Variants in FHOD3 observed in about 807,000 individuals in gnomAD.
The protein encoded by FHOD3 is FH1/FH2 domain-containing protein 3.
FHOD3 carries 90 observed loss-of-function variants against 173.0 expected under a neutral mutation model. The observed-to-expected ratio is 0.52, with a 90% CI of 0.44 to 0.62. The LOEUF (loss-of-function observed/expected upper bound fraction) is 0.62. Among genes scored for constraint, FHOD3 ranks in the 20% least tolerant of loss-of-function variants. FHOD3 has a pLI of 0.00. For missense variants in FHOD3, 1,945 were observed against 2,034.7 expected, an observed-to-expected ratio of 0.96 and a Z score of 0.85; for synonymous variants, 828 against 823.0, an observed-to-expected ratio of 1.01 and a Z score of -0.10.
chr18:36,480,243 C>T (rs1599312631), intron 3 of FHOD3, among the ~76,000 whole-genome samples: 1 of 152,222 alleles, frequency 6.6e-6, no homozygotes, highest in East Asian at 1.9e-4. Context: ...CCATCCCACA[C>T]CTTGCCTCGT....
At chr18:36,322,468 G>A (rs370485381) in intron 1 of FHOD3, among the ~76,000 whole-genome samples, 11 of 152,144 alleles carry the variant, frequency 7.2e-5, no homozygotes, top group African/African-American at 2.4e-4. Context: ...GGGTAAGGCA[G>A]GAGCAGGTAC....
intron 5 of FHOD3, among the ~76,000 whole-genome samples, chr18:36,532,788 T>A (rs962657890): frequency 6.6e-6 from 1 of 152,212 alleles, no homozygotes; most frequent in Non-Finnish European, 1.5e-5. Flanking sequence ...GTTTTACCTG[T>A]TTGAGATTTT....
chr18:36,566,822 G>C (rs1005021054), intron 5 of FHOD3, among the ~76,000 whole-genome samples: 1 of 151,930 alleles, frequency 6.6e-6, no homozygotes, highest in Non-Finnish European at 1.5e-5. Flanking sequence ...AAGGGAAGGA[G>C]TCTGGAATAG....
intron 28 of FHOD3, chr18:36,778,542 C>A (rs1223216473): frequency 6.6e-6 from 1 of 152,168 alleles, no homozygotes; most frequent in African/African-American, 2.4e-5. Flanking sequence ...TCACCCTTAT[C>A]CAGCCTTTAT....
chr18:36,585,556 G>A (rs2058999215), intron 6 of FHOD3, among the ~76,000 whole-genome samples: 1 of 151,954 alleles, frequency 6.6e-6, no homozygotes, highest in Non-Finnish European at 1.5e-5. Flanking sequence ...GGCTGAGGGG[G>A]CCCCACTGTC....
chr18:36,339,789 A>G (rs1340723905), intron 1 of FHOD3, among the ~76,000 whole-genome samples: 1 of 152,210 alleles, frequency 6.6e-6, no homozygotes, highest in East Asian at 1.9e-4. Flanking sequence ...GTACAATAGT[A>G]AATAGCTGAT....
chr18:36,522,525 A>T (rs1001373833), intron 5 of FHOD3, among the ~76,000 whole-genome samples: 1 of 152,264 alleles, frequency 6.6e-6, no homozygotes, highest in Non-Finnish European at 1.5e-5. Flanking sequence ...GATAAAATAC[A>T]TGCAAATATG....
At chr18:36,464,212 C>T (rs560146950) in intron 3 of FHOD3, among the ~76,000 whole-genome samples, 1 of 152,104 alleles carries the variant, frequency 6.6e-6, no homozygotes, top group Admixed American at 6.5e-5. Flanking sequence ...ATTGACGTGT[C>T]GAAGAAATGA....
At chr18:36,304,422 A>G (rs1392080934) in intron 1 of FHOD3, among the ~76,000 whole-genome samples, 1 of 152,174 alleles carries the variant, frequency 6.6e-6, no homozygotes, top group African/African-American at 2.4e-5. Context: ...GCATATACTG[A>G]AATATTTTAA....
chr18:36,461,524 C>G (rs1229142417), intron 3 of FHOD3, among the ~76,000 whole-genome samples: 2 of 151,306 alleles, frequency 1.3e-5, no homozygotes, highest in Non-Finnish European at 2.9e-5. Flanking sequence ...AGTGACTTGG[C>G]TCGTGGAATT....
chr18:36,730,538 G>A (rs2041303949), intron 19 of FHOD3, 108 bp from the exon 20 acceptor site: 4 of 1,098,164 alleles, frequency 3.6e-6, no homozygotes, highest in African/African-American at 3.1e-5. Flanking sequence ...GCTGAACTGG[G>A]GCCATTTGTT....
chr18:36,574,162 A>G (rs186063442), intron 5 of FHOD3, among the ~76,000 whole-genome samples: 1 of 152,212 alleles, frequency 6.6e-6, no homozygotes, highest in South Asian at 2.1e-4. Context: ...AATACATGGT[A>G]ACTTTACAAA....
intron 2 of FHOD3, among the ~76,000 whole-genome samples, chr18:36,358,916 G>A (rs2145826031): frequency 6.6e-6 from 1 of 152,264 alleles, no homozygotes; most frequent in Admixed American, 6.5e-5. Flanking sequence ...TTATAGGCAT[G>A]CATAGCTACA....
intron 24 of FHOD3, among the ~76,000 whole-genome samples, chr18:36,754,367 A>C (rs1043166748): frequency 6.6e-6 from 1 of 152,070 alleles, no homozygotes; most frequent in Admixed American, 6.5e-5. Context: ...TCTGTCTCCC[A>C]CTGTGTTCTT....
intron 3 of FHOD3, among the ~76,000 whole-genome samples, chr18:36,406,403 C>T (rs577912674): frequency 1.3e-5 from 2 of 152,174 alleles, no homozygotes; most frequent in East Asian, 1.9e-4. Context: ...TTCCTCTCAG[C>T]GTTTATGGGC....
intron 5 of FHOD3, among the ~76,000 whole-genome samples, chr18:36,541,721 C>A (rs956017339): frequency 1.3e-5 from 2 of 152,128 alleles, no homozygotes; most frequent in Admixed American, 6.5e-5. Context: ...AGTTGAGGTT[C>A]TGGGTCCATG....
intron 3 of FHOD3, among the ~76,000 whole-genome samples, chr18:36,443,875 A>C (rs755050119): frequency 6.6e-5 from 10 of 152,222 alleles, no homozygotes; most frequent in Non-Finnish European, 1.2e-4. Flanking sequence ...CATCAATAAG[A>C]AACTCAGCTT....
At chr18:36,686,315 G>A (rs1253135419) in intron 15 of FHOD3, among the ~76,000 whole-genome samples, 2 of 151,842 alleles carry the variant, frequency 1.3e-5, no homozygotes, top group Admixed American at 6.6e-5. Flanking sequence ...GACATGGATG[G>A]CACTGGAAGC....
intron 14 of FHOD3, among the ~76,000 whole-genome samples, chr18:36,668,832 C>T (rs146331242): frequency 8.0e-4 from 121 of 152,000 alleles, no homozygotes; most frequent in African/African-American, 2.6e-3. Context: ...AATAAAATTG[C>T]GGTCAGAGAA....
Sources: gnomAD v4.1 joint callset for allele counts (sites outside exome capture counted in the v4.1 genomes callset) on GRCh38, gnomAD v4.1.1 for gene constraint, MANE v1.5 for transcripts, NCBI Gene and HGNC (gene_info 2026-07-23, HGNC 2026-07-21) for gene names.